LRRC37A2: variants seen among roughly 807,000 people sequenced by gnomAD.
LRRC37A2 encodes the protein leucine-rich repeat-containing protein 37A2.
In LRRC37A2, 9 loss-of-function variants were observed where a neutral mutation model predicts 68.8. That is an observed-to-expected ratio of 0.13 (90% CI 0.08 to 0.23). The LOEUF (loss-of-function observed/expected upper bound fraction) is 0.23. Ranked by LOEUF, LRRC37A2 falls within the 10% of genes least tolerant of loss-of-function variation. LRRC37A2 has a pLI of 1.00. For missense variants in LRRC37A2, 168 were observed against 950.4 expected (o/e 0.18, Z 10.82); for synonymous variants, 63 against 367.6 (o/e 0.17, Z 9.48).
At chr17:46,714,129 TG>T in the LRRC37A2 span, 33 of 795,452 alleles carry the variant, frequency 4.1e-5, no homozygotes, top group East Asian at 1.0e-3. Context: ...CAGCAGAATA[TG>T]GGGGAAGCAG....
the LRRC37A2 span, chr17:46,764,042 A>C: frequency 1.3e-5 from 2 of 152,202 alleles, no homozygotes; most frequent in African/African-American, 4.8e-5. Flanking sequence ...TCCTACTCTA[A>C]CAACTGCCAC....
At chr17:46,979,758 C>CT in the LRRC37A2 span, among the ~76,000 whole-genome samples, 8 of 147,504 alleles carry the variant, frequency 5.4e-5, no homozygotes, top group African/African-American at 1.0e-4. Flanking sequence ...TCCCATTTAA[C>CT]TTTTTTTTTA....
At chr17:46,817,483 G>T in the LRRC37A2 span, among the ~76,000 whole-genome samples, 1 of 152,188 alleles carries the variant, frequency 6.6e-6, no homozygotes, top group African/African-American at 2.4e-5. Flanking sequence ...GTAATTTAGA[G>T]AACTGGTTTC....
At chr17:46,760,120 A>G in the LRRC37A2 span, among the ~76,000 whole-genome samples, 1 of 152,178 alleles carries the variant, frequency 6.6e-6, no homozygotes, top group East Asian at 1.9e-4. Flanking sequence ...TTTATTTTTA[A>G]TTACCATAGT....
chr17:46,907,738 G>A, the LRRC37A2 span, among the ~76,000 whole-genome samples: 1 of 149,972 alleles, frequency 6.7e-6, no homozygotes, highest in Non-Finnish European at 1.5e-5. Flanking sequence ...TGTGGTCCCA[G>A]CTACTCAGCG....
At chr17:46,872,042 C>G in the LRRC37A2 span, among the ~76,000 whole-genome samples, 1 of 152,158 alleles carries the variant, frequency 6.6e-6, no homozygotes, top group African/African-American at 2.4e-5. Flanking sequence ...ATCCCCTCTG[C>G]CTGCCCCCTC....
chr17:46,853,364 T>G, the LRRC37A2 span, among the ~76,000 whole-genome samples: 1 of 41,102 alleles, frequency 2.4e-5, no homozygotes, highest in South Asian at 9.9e-4. Context: ...TGCTAGTGAC[T>G]TTTTTTTTTT....
chr17:46,769,965 A>C, the LRRC37A2 span: 1 of 1,612,622 alleles, frequency 6.2e-7, no homozygotes, highest in Non-Finnish European at 8.5e-7. Flanking sequence ...CAAATGGTGG[A>C]GGTGCCCTCG....
chr17:46,935,907 GT>G, the LRRC37A2 span: 1 of 985,826 alleles, frequency 1.0e-6, no homozygotes, highest in Non-Finnish European at 1.2e-6. Context: ...TCAGGGTGTG[GT>G]CCCCTGTGAA....
At chr17:46,726,813 A>G in the LRRC37A2 span, among the ~76,000 whole-genome samples, 1 of 152,234 alleles carries the variant, frequency 6.6e-6, no homozygotes, top group Non-Finnish European at 1.5e-5. Flanking sequence ...CCCTGTGACT[A>G]TAACACCATT....
At chr17:46,631,105 C>T in the LRRC37A2 span, among the ~76,000 whole-genome samples, 356 of 145,456 alleles carry the variant, frequency 2.4e-3, 2 homozygotes, top group African/African-American at 9.0e-3. Flanking sequence ...CACACACACA[C>T]ATCTTTTATC....
At chr17:46,495,616 C>T in the LRRC37A2 span, among the ~76,000 whole-genome samples, 1 of 150,940 alleles carries the variant, frequency 6.6e-6, no homozygotes, top group South Asian at 2.1e-4. Context: ...AACTCCTGAC[C>T]TCAGGTGATT....
chr17:47,002,738 C>G, the LRRC37A2 span, among the ~76,000 whole-genome samples: 1 of 152,098 alleles, frequency 6.6e-6, no homozygotes, highest in South Asian at 2.1e-4. Flanking sequence ...TTATTGCCAG[C>G]CTATTGTGCT....
chr17:46,541,315 GA>G lies in LRRC37A2; in HGVS notation c.3053+435del, dbSNP rs1480161876. ...CGCCCAGGCTGCAGTGCAGCGGCAT[GA>G]CCTAGGCTCACTGCAACCTCCACCT... On this transcript the variant is annotated intron_variant, in intron 8 of 14. Coordinates refer to ENST00000576629, the Ensembl canonical transcript of LRRC37A2. Among the ~76,000 whole-genome samples the G allele has an allele frequency of 6.5e-4, 97 of 150,020 alleles. 1 individual carries two copies. Among genetic ancestry groups the G allele is most frequent in the African/African-American group, 2.3e-3 (92 of 39,626 alleles).
At chr17:47,037,294 G>A in the LRRC37A2 span, among the ~76,000 whole-genome samples, 5 of 152,004 alleles carry the variant, frequency 3.3e-5, no homozygotes, top group East Asian at 1.9e-4. Flanking sequence ...CAATGGAGAC[G>A]GGGTTTCAGC....
At chr17:46,906,119 A>G in the LRRC37A2 span, among the ~76,000 whole-genome samples, 2 of 152,004 alleles carry the variant, frequency 1.3e-5, no homozygotes, top group Admixed American at 1.3e-4. Flanking sequence ...GGAGCAGCTC[A>G]CTCAGCCCAG....
At chr17:46,943,931 T>A in the LRRC37A2 span, among the ~76,000 whole-genome samples, 1 of 151,966 alleles carries the variant, frequency 6.6e-6, no homozygotes, top group Admixed American at 6.5e-5. Flanking sequence ...CTAGATAAGC[T>A]AAAGGCTAGG....
At chr17:46,786,422 G>A in the LRRC37A2 span, among the ~76,000 whole-genome samples, 1 of 152,236 alleles carries the variant, frequency 6.6e-6, no homozygotes. Context: ...GGATTCACAG[G>A]GAAGGGCCTA....
chr17:46,728,773 C>CA, the LRRC37A2 span: 101,117 of 668,512 alleles, frequency 0.15, 5 homozygotes, highest in East Asian at 0.16. Flanking sequence ...ACTTTTGATG[C>CA]AAAAAAAAAA....
Sources: allele counts gnomAD v4.1 joint callset (sites outside exome capture counted in the v4.1 genomes callset), GRCh38; gene constraint gnomAD v4.1.1; transcripts MANE v1.5; gene names NCBI Gene and HGNC (gene_info 2026-07-23, HGNC 2026-07-21).